The following RSRP1 variants were observed in gnomAD, a reference collection of about 807,000 sequenced individuals.
RSRP1 encodes the protein arginine and serine rich protein 1, also known as arginine/serine-rich protein 1.
RSRP1 carries 37 observed loss-of-function variants against 33.0 expected under a neutral mutation model. That is an observed-to-expected ratio of 1.12 (90% CI 0.86 to 1.48). The LOEUF (loss-of-function observed/expected upper bound fraction) is 1.48, where lower values mean the gene tolerates loss of function less well. RSRP1 is among the 40% of genes most tolerant of loss of function. The probability of loss-of-function intolerance (pLI) is 0.00; values close to 1 mark genes in which losing one functional copy is unlikely to be tolerated. For missense variants in RSRP1, 402 were observed against 385.3 expected, an observed-to-expected ratio of 1.04 and a Z score of -0.36; for synonymous variants, 167 against 158.7, an observed-to-expected ratio of 1.05 and a Z score of -0.40.
Position 25,306,585 on chromosome 1 carries a change from C to T in RSRP1, c.-67+31393G>A, listed in dbSNP as rs1452572247. On this transcript the variant is annotated intron_variant, in intron 1 of 1. Transcript: ENST00000561867. ...ACCTGCCAATCTGCTTATAATAACA[C>T]TTGTCCACAGGGGTGTTGTAACCGA... 7 of 1,377,430 alleles carry T rather than the reference C, an allele frequency of 5.1e-6. 2 individuals carry two copies. The South Asian group carries it at 8.3e-5, about 16-fold the overall frequency. 85.3% of individuals were successfully genotyped at this position (1,377,430 alleles called of 1,614,324 possible).
upstream of RSRP1, among the ~76,000 whole-genome samples, chr1:25,252,220 AGCTG>A (rs1639808139): frequency 6.7e-6 from 1 of 148,834 alleles, no homozygotes; most frequent in Non-Finnish European, 1.5e-5. Flanking sequence ...CATGCACCAC[AGCTG>A]GCTAATTTTT....
At chr1:25,293,054 C>A (rs1370680912) in intron 1 of RSRP1, among the ~76,000 whole-genome samples, 212 of 128,246 alleles carry the variant, frequency 1.7e-3, no homozygotes, top group African/African-American at 5.5e-3. Flanking sequence ...TGGATTTGGC[C>A]AGGAGACCTT....
chr1:25,272,292 A>G, intron 1 of RSRP1: 1 of 471,836 alleles, frequency 2.1e-6, no homozygotes. Context: ...TGAGCACAGC[A>G]GGAACCTGTA....
At chr1:25,307,642 C>T (rs1643918209) in intron 1 of RSRP1, 1 of 1,181,584 alleles carries the variant, frequency 8.5e-7, no homozygotes, top group African/African-American at 1.5e-5. Flanking sequence ...AGTTATCTGC[C>T]CAAGGTCACT....
At position 25,268,756 on chromosome 1, in the gene RSRP1, T is replaced by C. The variant is rs993414094; in HGVS notation, c.-66-21727A>G. ...TGAGGTCAGGAGTTCAAGACCAGCC[T>C]GGCCAACCTGGTGAAATCCTGTCTC... On this transcript the variant is annotated intron_variant, in intron 1 of 1. Coordinates refer to the RSRP1 transcript ENST00000561867. Among the ~76,000 whole-genome samples the C allele has an allele frequency of 3.1e-5, 4 of 129,220 alleles. 1 individual carries two copies. The highest frequency in any genetic ancestry group is 3.0e-4 in the Admixed American group (4 of 13,282). The allele number at this position is 129,220 out of a possible 152,430, so 84.8% of individuals were successfully genotyped here. A position where few individuals can be genotyped will look rare whatever the true frequency, so the allele number is the denominator to read the frequency against.
intron 3 of RSRP1, chr1:25,244,333 A>G: frequency 7.8e-7 from 1 of 1,288,272 alleles, no homozygotes. Flanking sequence ...ACTTTATGCA[A>G]ATAGTGCCTG....
In RSRP1 at chr1:25,281,392, T is replaced by A. The variant is rs1259179425; in HGVS notation, c.-66-34363A>T. ...GTAAAATGAGAGGAAAATGGAAGAATTGCTCTACTCATGGAATCTTCAATA... is the reference window on the plus strand; with the variant it reads ...GTAAAATGAGAGGAAAATGGAAGAAATGCTCTACTCATGGAATCTTCAATA... On this transcript the variant is annotated intron_variant, in intron 1 of 1. Transcript: ENST00000561867. Among the ~76,000 whole-genome samples the A allele has an allele frequency of 1.5e-5, 2 of 131,736 alleles. 1 individual carries two copies. The highest frequency in any genetic ancestry group is 3.6e-5 in the Non-Finnish European group (2 of 55,930). The allele number at this position is 131,736 out of a possible 152,430, so 86.4% of individuals were successfully genotyped here. A position where few individuals can be genotyped will look rare whatever the true frequency, so the allele number is the denominator to read the frequency against.
At chr1:25,245,062 A>G in intron 3 of RSRP1, 88 bp downstream of exon 3, 1 of 1,610,450 alleles carries the variant, frequency 6.2e-7, no homozygotes, top group East Asian at 2.2e-5. Flanking sequence ...TAGACTTCCC[A>G]AAAAGTATAG....
intron 1 of RSRP1, among the ~76,000 whole-genome samples, chr1:25,263,159 G>C (rs989300536): frequency 1.3e-5 from 2 of 152,078 alleles, no homozygotes; most frequent in African/African-American, 4.8e-5. Flanking sequence ...GAGAAGACAA[G>C]TGTGGTGTGT....
rs1642520972 is a variant in RSRP1 at position 25,291,664 on chromosome 1, C to G, written c.-66-44635G>C. Among the ~76,000 whole-genome samples the G allele has an allele frequency of 1.5e-5, 2 of 132,262 alleles. 1 individual carries two copies. Among genetic ancestry groups the G allele is most frequent in the Admixed American group, 1.5e-4 (2 of 13,534 alleles). 86.8% of individuals were successfully genotyped at this position (132,262 alleles called of 152,430 possible). On this transcript the variant is annotated intron_variant, in intron 1 of 1. Coordinates refer to the RSRP1 transcript ENST00000561867. ...TATAAAAGTAATTAATTCTCAGAGCCTCACCAGCAGTGGGTCCAGCAAGTT... is the reference window on the plus strand; with the variant it reads ...TATAAAAGTAATTAATTCTCAGAGCGTCACCAGCAGTGGGTCCAGCAAGTT...
At chr1:25,250,793 C>G (rs1639754070), upstream of RSRP1, among the ~76,000 whole-genome samples, 1 of 151,980 alleles carries the variant, frequency 6.6e-6, no homozygotes, top group African/African-American at 2.4e-5. Flanking sequence ...GGCGGATCAC[C>G]AGGTCAGGCA....
At chr1:25,249,432 G>A (rs1428546781), upstream of RSRP1, among the ~76,000 whole-genome samples, 2 of 152,124 alleles carry the variant, frequency 1.3e-5, no homozygotes, top group Non-Finnish European at 2.9e-5. Context: ...TCTGCGTACT[G>A]GGTTCACACA....
rs568244784 is a variant in RSRP1, at chr1:25,331,708, C to T, written c.-67+6270G>A. Among the ~76,000 whole-genome samples the T allele has an allele frequency of 1.1e-4, 13 of 119,176 alleles. No homozygotes were observed. In the East Asian group the frequency reaches 2.6e-3, roughly 24 times the overall value. 78.2% of individuals were successfully genotyped at this position (119,176 alleles called of 152,430 possible). On this transcript the variant is annotated intron_variant, in intron 1 of 1. Transcript: ENST00000561867. The stretch of plus-strand genomic sequence containing the variant: ...TCAATCTCCCGAGTAGCTGGGACTA[C>T]AGGCGTCCGCCAAGATGCCCAGCTA...
At chr1:25,243,386 T>C (rs571123242) in intron 4 of RSRP1, among the ~76,000 whole-genome samples, 164 bp downstream of exon 4, 1 of 152,198 alleles carries the variant, frequency 6.6e-6, no homozygotes, top group Non-Finnish European at 1.5e-5. Flanking sequence ...TACAAACCCA[T>C]TATAATGGCC....
intron 1 of RSRP1, chr1:25,272,590 C>T: frequency 1.3e-6 from 2 of 1,583,970 alleles, no homozygotes; most frequent in Non-Finnish European, 1.7e-6. Context: ...CTGCCTGCCC[C>T]TCTGGGCCCT....
Position 25,245,193 on chromosome 1 carries a change from G to T in RSRP1, c.629C>A (p.Thr210Lys). Residue 210 changes from threonine to lysine, a missense_variant, in exon 3 of 5, where the codon ACA becomes AAA. By Grantham distance (78) the Thr-to-Lys change is moderately conservative. Coordinates refer to ENST00000243189, the MANE Select transcript of RSRP1 (RefSeq NM_020317.5). ...SLRTVPSAKE[T>K]SRGIGVSSNG... ...ACTTGATACACCTATTCCACGGCTT[G>T]TTTCTTTGGCTGAAGGAACAGTTCT... The T allele has an allele frequency of 4.3e-6, 7 of 1,614,036 alleles. No homozygotes were observed. Among genetic ancestry groups the T allele is most frequent in the Non-Finnish European group, 5.1e-6 (6 of 1,180,018 alleles).
chr1:25,262,970 C>G (rs1265022871), intron 1 of RSRP1, among the ~76,000 whole-genome samples: 1 of 152,136 alleles, frequency 6.6e-6, no homozygotes, highest in African/African-American at 2.4e-5. Flanking sequence ...TCCAGTCAAG[C>G]TGACACCTAA....
chr1:25,329,525 G>T, intron 1 of RSRP1: 1 of 194,306 alleles, frequency 5.1e-6, no homozygotes, highest in Non-Finnish European at 1.1e-5. Flanking sequence ...CCACAGGCCT[G>T]AGCCACTGTG....
upstream of RSRP1, among the ~76,000 whole-genome samples, chr1:25,251,558 G>A (rs535084911): frequency 8.6e-5 from 13 of 151,922 alleles, no homozygotes; most frequent in South Asian, 2.5e-3. Context: ...TAGTAGAGAC[G>A]GGGTTTCTCC....
Sources: gnomAD v4.1 joint callset for allele counts (sites outside exome capture counted in the v4.1 genomes callset) on GRCh38, gnomAD v4.1.1 for gene constraint, MANE v1.5 for transcripts, NCBI Gene and HGNC (gene_info 2026-07-23, HGNC 2026-07-21) for gene names.